The following MARCOL variants were observed in gnomAD, a reference collection of about 807,000 sequenced individuals.
MARCOL encodes the protein MARCO-like protein.
At chr5:148,241,524 CAAAAA>C (rs71001486) in intron 1 of MARCOL, among the ~76,000 whole-genome samples, 9 of 126,386 alleles carry the variant, frequency 7.1e-5, no homozygotes, top group Non-Finnish European at 1.3e-4. Context: ...ACACTTCTAC[CAAAAA>C]AAAAAAAAAA....
At chr5:148,240,764 A>G (rs370004459) in intron 1 of MARCOL, among the ~76,000 whole-genome samples, 1 of 152,004 alleles carries the variant, frequency 6.6e-6, no homozygotes, top group South Asian at 2.1e-4. Context: ...GAATCCATAC[A>G]TGTACTCATC....
chr5:148,243,406 G>T lies in MARCOL; in HGVS notation c.*152G>T. 1 of 395,036 alleles carries T rather than the reference G, an allele frequency of 2.5e-6. No homozygotes were observed. The highest frequency in any genetic ancestry group is 1.3e-4 in the South Asian group (1 of 7,486). 24.5% of individuals were successfully genotyped at this position (395,036 alleles called of 1,614,324 possible). ...AAGCCAGTGTCATCTAGCCAACAAG[G>T]GAAGCCAGGGGCATCTAACCAGCAA... On this transcript the variant is annotated 3_prime_UTR_variant, in exon 2 of 2. Transcript: ENST00000638089.
chr5:148,238,547 A>G lies in MARCOL; in HGVS notation c.-51A>G, dbSNP rs1433799646. 1 of 397,776 alleles carries G rather than the reference A, an allele frequency of 2.5e-6. No individual in the cohort carries two copies. The allele number at this position is 397,776 out of a possible 1,614,324, so 24.6% of individuals were successfully genotyped here. ...TTTATTTGAAGAGCACCTACTGCAG[A>G]GTTAGGCTTAACTCCACCCAACAGC... On this transcript the variant is annotated 5_prime_UTR_variant, in exon 1 of 2. Transcript: ENST00000638089.
intron 1 of MARCOL, among the ~76,000 whole-genome samples, chr5:148,240,637 T>C (rs1755953359): frequency 6.6e-6 from 1 of 151,926 alleles, no homozygotes; most frequent in Admixed American, 6.6e-5. Context: ...CTGAAAGTCA[T>C]TAATAAAAAT....
At chr5:148,240,345 G>A (rs930588168) in intron 1 of MARCOL, among the ~76,000 whole-genome samples, 4 of 151,824 alleles carry the variant, frequency 2.6e-5, no homozygotes, top group African/African-American at 9.7e-5. Flanking sequence ...TGTAGAGTGT[G>A]CCACCAATTG....
chr5:148,238,943 T>C (rs1451785094), intron 1 of MARCOL, among the ~76,000 whole-genome samples: 1 of 152,074 alleles, frequency 6.6e-6, no homozygotes, highest in African/African-American at 2.4e-5. Context: ...CTTATGAGTT[T>C]GTGAATATGC....
intron 1 of MARCOL, among the ~76,000 whole-genome samples, chr5:148,240,013 G>C (rs937373448): frequency 6.6e-6 from 1 of 151,634 alleles, no homozygotes; most frequent in Non-Finnish European, 1.5e-5. Flanking sequence ...AAAAATAGAT[G>C]GTGAAACCAC....
chr5:148,239,385 C>T (rs1324257980), intron 1 of MARCOL, among the ~76,000 whole-genome samples: 1 of 151,876 alleles, frequency 6.6e-6, no homozygotes, highest in Non-Finnish European at 1.5e-5. Flanking sequence ...TCCCACTTGA[C>T]CATCTTTCTT....
At chr5:148,241,219 T>C (rs968648855) in intron 1 of MARCOL, among the ~76,000 whole-genome samples, 3 of 152,044 alleles carry the variant, frequency 2.0e-5, no homozygotes, top group Admixed American at 2.0e-4. Flanking sequence ...GCATGCTCAG[T>C]GCATACCAAT....
intron 1 of MARCOL, among the ~76,000 whole-genome samples, chr5:148,239,453 T>C (rs994241752): frequency 1.3e-5 from 2 of 151,984 alleles, no homozygotes; most frequent in Admixed American, 6.6e-5. Flanking sequence ...ACTTCTTATA[T>C]TTGTAACATC....
At chr5:148,241,648 GA>G (rs1755967506) in intron 1 of MARCOL, among the ~76,000 whole-genome samples, 1 of 151,588 alleles carries the variant, frequency 6.6e-6, no homozygotes, top group African/African-American at 2.4e-5. Flanking sequence ...AATATAATCT[GA>G]AAAAACATAA....
intron 1 of MARCOL, among the ~76,000 whole-genome samples, chr5:148,240,939 T>C (rs1368508427): frequency 6.6e-6 from 1 of 152,020 alleles, no homozygotes; most frequent in African/African-American, 2.4e-5. Context: ...TTGATCATTC[T>C]ACTATAATAT....
At position 148,242,724 on chromosome 5, in the gene MARCOL, C is replaced by A. The variant is rs1281204082; in HGVS notation, c.328C>A (p.Gln110Lys). The A allele has an allele frequency of 2.5e-6, 1 of 398,092 alleles. No individual in the cohort carries two copies. Among genetic ancestry groups the A allele is most frequent in the Admixed American group, 4.4e-5 (1 of 22,670 alleles). The allele number at this position is 398,092 out of a possible 1,614,324, so 24.7% of individuals were successfully genotyped here. Residue 110 changes from glutamine (Q) to lysine (K), a missense_variant, in exon 2 of 2, where the codon CAA becomes AAA. Physicochemically the swap from Gln to Lys is moderately conservative, Grantham distance 53. Coordinates refer to ENST00000638089, the MANE Select transcript of MARCOL (RefSeq NM_001363511.2). ...GILKNSGKSNQKGNPESSNKQ... is the reference protein window; with the variant it reads ...GILKNSGKSNKKGNPESSNKQ... ...TTTAAAGAATTCAGGAAAATCTAAC[C>A]AAAAAGGGAATCCAGAATCTTCTAA...
rs1238153766 is a variant in MARCOL, at chr5:148,243,533, C to T, written c.*279C>T. On this transcript the variant is annotated 3_prime_UTR_variant, in exon 2 of 2. Transcript: ENST00000638089. ...AGGAATGGAAGCCAGAGCCATCTAG[C>T]CATCAGAGAAAATTAAGGTCATTTT... 4.1e-5 allele frequency: 14 copies of T among 341,778 alleles called. No homozygotes were observed. Among genetic ancestry groups the T allele is most frequent in the African/African-American group, 6.3e-5 (3 of 47,568 alleles). 21.2% of individuals were successfully genotyped at this position (341,778 alleles called of 1,614,324 possible). A position where few individuals can be genotyped will look rare whatever the true frequency, so the allele number is the denominator to read the frequency against.
chr5:148,243,329 T>C lies in MARCOL; in HGVS notation c.*75T>C, dbSNP rs1013088356. ...CAGAGTCTTCTAGCCAACAAGGGAA[T>C]CTAGGGTCATCTAGCTATCAAGGGA... is the stretch of plus-strand genomic sequence containing the variant. On this transcript the variant is annotated 3_prime_UTR_variant, in exon 2 of 2. Transcript: ENST00000638089. The C allele has an allele frequency of 2.5e-6, 1 of 396,232 alleles. No homozygotes were observed. The allele number at this position is 396,232 out of a possible 1,614,324, so 24.5% of individuals were successfully genotyped here.
chr5:148,240,469 G>T (rs1307164650), intron 1 of MARCOL, among the ~76,000 whole-genome samples: 1 of 151,258 alleles, frequency 6.6e-6, no homozygotes, highest in Non-Finnish European at 1.5e-5. Flanking sequence ...CCATTTCATA[G>T]GTAATAGGAA....
At chr5:148,239,032 G>C (rs1033557792) in intron 1 of MARCOL, among the ~76,000 whole-genome samples, 10 of 152,090 alleles carry the variant, frequency 6.6e-5, no homozygotes, top group South Asian at 6.2e-4. Context: ...TTCAAATCTT[G>C]ATGTTTTTTT....
At chr5:148,242,129 C>A (rs1218820642) in intron 1 of MARCOL, among the ~76,000 whole-genome samples, 3 of 152,100 alleles carry the variant, frequency 2.0e-5, no homozygotes, top group Middle Eastern at 6.3e-3. Context: ...CAGTTTGATT[C>A]ATCAGAAAAC....
chr5:148,243,580 A>T lies in MARCOL; in HGVS notation c.*326A>T. On this transcript the variant is annotated 3_prime_UTR_variant, in exon 2 of 2. Transcript: ENST00000638089. ...TTTTACAACCAACGACAAAGAAAAA[A>T]TATTGACAGCACTTTTGATGGCAAT... The T allele has an allele frequency of 3.9e-6, 1 of 258,482 alleles. No homozygotes were observed. The highest frequency in any genetic ancestry group is 7.2e-6 in the Non-Finnish European group (1 of 137,988). 16.0% of individuals were successfully genotyped at this position (258,482 alleles called of 1,614,324 possible).
Sources: allele counts gnomAD v4.1 joint callset (sites outside exome capture counted in the v4.1 genomes callset), GRCh38; gene constraint gnomAD v4.1.1; transcripts MANE v1.5; gene names NCBI Gene and HGNC (gene_info 2026-07-23, HGNC 2026-07-21).